Variants in CHD1 observed in about 807,000 individuals in gnomAD.
CHD1 encodes chromodomain helicase DNA binding protein 1, also known as ATP-dependent chromatin remodeler CHD1.
A neutral mutation model predicts 224.2 loss-of-function variants in CHD1; 36 were observed. That is an observed-to-expected ratio of 0.16 (90% CI 0.12 to 0.21). The LOEUF is 0.21. Ranked by LOEUF, CHD1 falls within the 10% of genes least tolerant of loss-of-function variation. CHD1 has a pLI of 1.00. For missense variants in CHD1, 1,378 were observed against 1,994.8 expected (o/e 0.69, Z 5.89); for synonymous variants, 668 against 658.3 (o/e 1.01, Z -0.23).
intron 31 of CHD1, among the ~76,000 whole-genome samples, chr5:98,865,018 G>T (rs1748753578): frequency 2.0e-5 from 3 of 152,048 alleles, no homozygotes; most frequent in African/African-American, 7.2e-5. Flanking sequence ...GCCAGTAAAT[G>T]AACAAGAAAT....
chr5:98,873,828 T>C, intron 25 of CHD1, 105 bp from the exon 26 acceptor site: 1 of 998,132 alleles, frequency 1.0e-6, no homozygotes, highest in Middle Eastern at 2.2e-4. Flanking sequence ...CTCTACTGCA[T>C]GCTCTATATA....
In CHD1 at chr5:98,896,226, C is replaced by A; in HGVS notation, c.1710G>T (p.Met570Ile). Residue 570 changes from methionine to isoleucine, a missense_variant and splice_region_variant, in exon 12 of 36, where the codon ATG (methionine) becomes ATT (isoleucine). Physicochemically the swap from Met to Ile is conservative, Grantham distance 10. This residue lies in a region of CHD1 where 49 missense variants were observed against 135.7 expected (regional missense o/e 0.36). Transcript: ENST00000614616. ...VYLGDINSRNMIRTHEWTHHQ... is the reference protein window; with the variant it reads ...VYLGDINSRNIIRTHEWTHHQ... ...CTACATTTACAGGGAAACAACTTAC[C>A]ATGTTTCTGCTGTTAATGTCACCTA... The A allele has an allele frequency of 6.2e-7, 1 of 1,605,790 alleles. No individual in the cohort carries two copies. The highest frequency in any genetic ancestry group is 1.1e-5 in the South Asian group (1 of 90,880).
rs762788094 is a variant in CHD1 at position 98,901,355 on chromosome 5, A to C, written c.438-20T>G. The C allele has an allele frequency of 6.3e-7, 1 of 1,587,724 alleles. No individual in the cohort carries two copies. The highest frequency in any genetic ancestry group is 1.2e-5 in the South Asian group (1 of 86,158). On this transcript the variant is annotated intron_variant, in intron 5 of 35. Transcript: ENST00000614616. The stretch of plus-strand genomic sequence containing the variant: ...TCTTCACTGCAGACAAAATTTATAA[A>C]GTATTTTTATTTGTACTTATATGGC...
chr5:98,857,812 A>G (rs1293778608), intron 35 of CHD1, among the ~76,000 whole-genome samples: 4 of 152,074 alleles, frequency 2.6e-5, no homozygotes, highest in Non-Finnish European at 1.5e-5. Flanking sequence ...ATGGAATGCA[A>G]AATTTCCTAA....
At position 98,872,100 on chromosome 5, in the gene CHD1, C is replaced by T; in HGVS notation, c.3812G>A (p.Gly1271Glu). 1 of 1,613,376 alleles carries T rather than the reference C, an allele frequency of 6.2e-7. No individual in the cohort carries two copies. The part of the protein sequence containing the change: ...LLIGIYEYGY[G>E]SWEMIKMDPD... ...ATCCATTTTAATCATTTCCCAGCTT[C>T]CATATCCATATTCATAGATGCCAAT... Residue 1271 changes from glycine (G) to glutamate (E), a missense_variant, in exon 28 of 36, where the codon GGA becomes GAA. This residue lies in a region of CHD1 where 286 missense variants were observed against 445.1 expected (regional missense o/e 0.64). Transcript: ENST00000614616.
At chr5:98,896,101 G>A (rs2112492488) in intron 12 of CHD1, 125 bp downstream of exon 12, 2 of 756,484 alleles carry the variant, frequency 2.6e-6, no homozygotes, top group Non-Finnish European at 4.4e-6. Context: ...GTTGCAGTGA[G>A]CCAAGATCAT....
rs765642449 is a variant in CHD1, at chr5:98,856,496, T to C, written c.5017A>G (p.Ser1673Gly). 9 of 1,613,710 alleles carry C rather than the reference T, an allele frequency of 5.6e-6. No homozygotes were observed. Among genetic ancestry groups the C allele is most frequent in the Non-Finnish European group, 7.6e-6 (9 of 1,179,738 alleles). The part of the protein sequence containing the change: ...DWQMDHRASS[S>G]GPRSPLDQRS... ...TGATCTAGTGGTGACCTAGGGCCAC[T>C]GCTGGAAGCTCTGTGGTCCATTTGC... Residue 1673 changes from serine (S) to glycine (G), a missense_variant, in exon 36 of 36, where the codon AGT becomes GGT. By Grantham distance (56) the Ser-to-Gly change is moderately conservative (BLOSUM62 0). Coordinates refer to ENST00000614616, the MANE Select transcript of CHD1 (RefSeq NM_001270.4).
rs1749471325 is a variant in CHD1 at position 98,872,999 on chromosome 5, T to C, written c.3572-444A>G. Among the ~76,000 whole-genome samples the C allele has an allele frequency of 2.6e-5, 4 of 152,228 alleles. No individual in the cohort carries two copies. The South Asian group carries it at 8.3e-4, about 32-fold the overall frequency. On this transcript the variant is annotated intron_variant, in intron 26 of 35. Coordinates refer to ENST00000614616, the MANE Select transcript of CHD1 (RefSeq NM_001270.4). The stretch of plus-strand genomic sequence containing the variant: ...ATCACACCCTGCTAATTTTTATGTT[T>C]TCATTTTTCTTAGAGACAGGGTCTC...
chr5:98,889,084 C>T lies in CHD1; in HGVS notation c.2335G>A (p.Ala779Thr). 3 of 1,571,662 alleles carry T rather than the reference C, an allele frequency of 1.9e-6. No individual in the cohort carries two copies. The highest frequency in any genetic ancestry group is 1.4e-5 in the African/African-American group (1 of 73,562). The change falls in exon 16 of 36, where the codon GCC becomes ACC. Residue 779 changes from alanine (A) to threonine (T), a missense_variant. Physicochemically the swap from Ala to Thr is moderately conservative, Grantham distance 58. Coordinates refer to ENST00000614616, the MANE Select transcript of CHD1 (RefSeq NM_001270.4). ...CATTTAAAAATTCTTACTTGTAAGG[C>T]CTCCTGTTTATTATAGAATTCATTA... ...DNNEFYNKQE[A>T]LQHLIRSSGK... is the part of the protein sequence containing the mutation.
At chr5:98,924,975 C>A (rs1234470859) in intron 2 of CHD1, among the ~76,000 whole-genome samples, 2 of 149,190 alleles carry the variant, frequency 1.3e-5, no homozygotes, top group African/African-American at 4.9e-5. Flanking sequence ...AAGACTCTGT[C>A]TCAAAAAAAA....
chr5:98,894,217 A>T (rs1012916171), intron 13 of CHD1, among the ~76,000 whole-genome samples: 2 of 152,220 alleles, frequency 1.3e-5, no homozygotes, highest in African/African-American at 4.8e-5. Context: ...TAAAGCCTTC[A>T]CTGCTTCACA....
chr5:98,894,335 C>G (rs984612589), intron 13 of CHD1, among the ~76,000 whole-genome samples: 19 of 152,128 alleles, frequency 1.2e-4, no homozygotes, highest in African/African-American at 4.6e-4. Flanking sequence ...CAAGCTTTTT[C>G]TAAGAAGAGC....
chr5:98,913,934 A>T (rs73776029), intron 2 of CHD1, among the ~76,000 whole-genome samples: 3,834 of 151,354 alleles, frequency 0.025, 122 homozygotes, highest in African/African-American at 0.076. Flanking sequence ...TTTTTTTTTT[A>T]AAAAATTCCT....
intron 15 of CHD1, among the ~76,000 whole-genome samples, chr5:98,890,294 CTCTTTTATTACCAT>C: frequency 6.6e-6 from 1 of 152,286 alleles, no homozygotes; most frequent in South Asian, 2.1e-4. Context: ...AGTGTACATA[CTCTTTTATTACCAT>C]TCTTTACCAC....
rs138354689 is a variant in CHD1, at chr5:98,882,137, CAT to C, written c.2719-16_2719-15del. 1,587 of 1,607,056 alleles carry C rather than the reference CAT, an allele frequency of 9.9e-4. 11 individuals carry two copies. The African/African-American group carries it at 0.015, about 16-fold the overall frequency. On this transcript the variant is annotated splice_polypyrimidine_tract_variant and intron_variant, in intron 19 of 35. Coordinates refer to ENST00000614616, the MANE Select transcript of CHD1 (RefSeq NM_001270.4). ...ATAAATATTCACCTGTAAAAATACACATGAGGAAACAAATTGCAGTATAAAGG... is the reference window on the plus strand; with the variant it reads ...ATAAATATTCACCTGTAAAAATACACGAGGAAACAAATTGCAGTATAAAGG...
intron 2 of CHD1, among the ~76,000 whole-genome samples, chr5:98,910,932 T>A (rs1752348757): frequency 6.6e-6 from 1 of 151,388 alleles, no homozygotes; most frequent in Non-Finnish European, 1.5e-5. Context: ...ACAGTGTGTA[T>A]TTTGATGTGC....
chr5:98,901,620 C>G (rs1489747959), intron 5 of CHD1, among the ~76,000 whole-genome samples: 1 of 151,724 alleles, frequency 6.6e-6, no homozygotes, highest in Non-Finnish European at 1.5e-5. Context: ...TAAAATTATT[C>G]TACTTGCCCT....
At position 98,921,021 on chromosome 5, in the gene CHD1, G is replaced by A. The variant is rs567489094; in HGVS notation, c.53+5313C>T. Among the ~76,000 whole-genome samples, 8 of 152,138 alleles carry A rather than the reference G, an allele frequency of 5.3e-5. No homozygotes were observed. In the South Asian group the frequency reaches 1.7e-3, roughly 32 times the overall value. On this transcript the variant is annotated intron_variant, in intron 2 of 35. Coordinates refer to ENST00000614616, the MANE Select transcript of CHD1 (RefSeq NM_001270.4). Reference sequence around the variant, plus strand: ...TAATGGAAAAATCAATGAAATCCAAGTATAGAGTTTAGGTAATAGTTTTTT... The same window carrying A: ...TAATGGAAAAATCAATGAAATCCAAATATAGAGTTTAGGTAATAGTTTTTT...
Position 98,881,318 on chromosome 5 carries a change from T to C in CHD1, c.2925A>G (p.Glu975=). 6 of 1,557,694 alleles carry C rather than the reference T, an allele frequency of 3.9e-6. No homozygotes were observed. Among genetic ancestry groups the C allele is most frequent in the Non-Finnish European group, 5.2e-6 (6 of 1,152,490 alleles). The change falls in exon 21 of 36, where the codon GAA becomes GAG. Residue 975 remains glutamate, a synonymous_variant. Transcript: ENST00000614616. ...LSAILKFGAE[E]LFKEPEGEEQ... ...CTTCTCCTTCAGGTTCCTTAAAAAG[T>C]TCTTCAGCACCAAACTTTAAAATGG...
Sources: gnomAD v4.1 joint callset for allele counts (sites outside exome capture counted in the v4.1 genomes callset) on GRCh38, gnomAD v4.1.1 for gene constraint, gnomAD v4.1.1 regional missense constraint, MANE v1.5 for transcripts, NCBI Gene and HGNC (gene_info 2026-07-23, HGNC 2026-07-21) for gene names.